Variants in RANBP2 observed in about 807,000 individuals in gnomAD.
RANBP2 encodes the protein RAN binding protein 2, also known as E3 SUMO-protein ligase RanBP2.
RANBP2 carries 57 observed loss-of-function variants against 303.6 expected under a neutral mutation model. That is an observed-to-expected ratio of 0.19 (90% confidence interval 0.15 to 0.23). RANBP2 has a LOEUF of 0.23. RANBP2 is among the 10% of genes least tolerant of loss of function. The probability of loss-of-function intolerance (pLI) is 1.00; values close to 1 mark genes in which losing one functional copy is unlikely to be tolerated. For synonymous variants in RANBP2, 1,167 were observed against 1,301.5 expected, an observed-to-expected ratio of 0.90 and a Z score of 2.23; for missense variants, 3,138 against 3,780.8, an observed-to-expected ratio of 0.83 and a Z score of 4.46.
chr2:109,610,893 C>T, the RANBP2 span, among the ~76,000 whole-genome samples: 39 of 152,258 alleles, frequency 2.6e-4, no homozygotes, highest in African/African-American at 9.1e-4. Flanking sequence ...CAGAGAGGCA[C>T]AGAACTAGAA....
At chr2:109,464,587 G>A in the RANBP2 span, among the ~76,000 whole-genome samples, 39 of 152,222 alleles carry the variant, frequency 2.6e-4, no homozygotes, top group African/African-American at 9.1e-4. Context: ...CCTCACAATC[G>A]ATTTCCTCTT....
At chr2:109,322,368 C>G in the RANBP2 span, among the ~76,000 whole-genome samples, 5 of 152,148 alleles carry the variant, frequency 3.3e-5, no homozygotes, top group African/African-American at 1.2e-4. Flanking sequence ...CCGAAATGTT[C>G]CCACAGGCAG....
At chr2:109,379,666 G>A in the RANBP2 span, among the ~76,000 whole-genome samples, 1 of 152,182 alleles carries the variant, frequency 6.6e-6, no homozygotes, top group African/African-American at 2.4e-5. Flanking sequence ...CTGCCGCAGC[G>A]ACAGCCTGTG....
At chr2:109,545,433 GC>G in the RANBP2 span, 1 of 1,535,908 alleles carries the variant, frequency 6.5e-7, no homozygotes, top group Non-Finnish European at 8.7e-7. Flanking sequence ...ACTCATGGCT[GC>G]CCCCTTGCAC....
chr2:109,199,348 T>C, the RANBP2 span, among the ~76,000 whole-genome samples: 2 of 8 alleles, frequency 0.25, no homozygotes, highest in Non-Finnish European at 0.33. Flanking sequence ...TGGAATGGAA[T>C]GGAATGGAAT....
chr2:109,496,200 G>T, the RANBP2 span, among the ~76,000 whole-genome samples: 2 of 152,222 alleles, frequency 1.3e-5, no homozygotes, highest in African/African-American at 4.8e-5. Flanking sequence ...ACAGAGTGCG[G>T]ATTGGTGCAT....
the RANBP2 span, among the ~76,000 whole-genome samples, chr2:109,136,432 C>G: frequency 6.6e-6 from 1 of 152,106 alleles, no homozygotes; most frequent in African/African-American, 2.4e-5. Context: ...AAGGTATTGG[C>G]AACAGTGAAT....
At chr2:109,277,896 C>T in the RANBP2 span, among the ~76,000 whole-genome samples, 283 of 150,970 alleles carry the variant, frequency 1.9e-3, 1 homozygote, top group Middle Eastern at 0.014. Flanking sequence ...CATTTCAGGC[C>T]GGGTGTGGTG....
At chr2:109,490,767 G>T in the RANBP2 span, 2 of 1,536,496 alleles carry the variant, frequency 1.3e-6, no homozygotes, top group African/African-American at 2.7e-5. Flanking sequence ...GTCCATCCAC[G>T]GCAGGGCAGG....
At chr2:109,383,131 G>A in the RANBP2 span, among the ~76,000 whole-genome samples, 2 of 152,268 alleles carry the variant, frequency 1.3e-5, no homozygotes, top group African/African-American at 2.4e-5. Context: ...GACCTTGTGA[G>A]TGCTTGCAGC....
the RANBP2 span, among the ~76,000 whole-genome samples, chr2:109,323,850 CT>C: frequency 3.9e-5 from 6 of 152,154 alleles, no homozygotes; most frequent in African/African-American, 1.4e-4. Context: ...ATGTTTTTAT[CT>C]TTTTAAAAGT....
the RANBP2 span, among the ~76,000 whole-genome samples, chr2:109,059,410 C>G: frequency 6.2e-4 from 94 of 152,184 alleles, no homozygotes; most frequent in Non-Finnish European, 1.1e-3. Context: ...CCCGTCTCTA[C>G]TAAAAATACA....
the RANBP2 span, among the ~76,000 whole-genome samples, chr2:109,009,983 A>G: frequency 2.6e-5 from 4 of 152,220 alleles, no homozygotes; most frequent in African/African-American, 7.2e-5. Context: ...GTCCTTGGAA[A>G]CATAATTCTA....
At chr2:109,518,203 T>C in the RANBP2 span, among the ~76,000 whole-genome samples, 1 of 152,242 alleles carries the variant, frequency 6.6e-6, no homozygotes, top group African/African-American at 2.4e-5. Context: ...CTATTCAGCA[T>C]GAAGTTGTTT....
At chr2:109,557,573 G>C in the RANBP2 span, among the ~76,000 whole-genome samples, 1 of 152,224 alleles carries the variant, frequency 6.6e-6, no homozygotes, top group Non-Finnish European at 1.5e-5. Context: ...GCAGGAGAAA[G>C]TAATGGACTG....
chr2:109,101,008 G>A, the RANBP2 span, among the ~76,000 whole-genome samples: 3 of 152,104 alleles, frequency 2.0e-5, no homozygotes, highest in African/African-American at 4.8e-5. Context: ...GAGGAGTGGC[G>A]GGGTTCAAGG....
chr2:108,747,027 C>G (rs1398292674), intron 8 of RANBP2, among the ~76,000 whole-genome samples: 1 of 152,156 alleles, frequency 6.6e-6, no homozygotes, highest in Non-Finnish European at 1.5e-5. Flanking sequence ...TTTCTTAACT[C>G]TTTCTTTATC....
Position 108,768,149 on chromosome 2 carries a change from A to G in RANBP2, c.7610A>G (p.Asn2537Ser). The change falls in exon 20 of 29, where the codon AAC becomes AGC. Residue 2537 changes from asparagine to serine, a missense_variant. Coordinates refer to ENST00000283195, the MANE Select transcript of RANBP2 (RefSeq NM_006267.5). ...AAATCAAAACCATTTGCATTCGGCA[A>G]CAGTTCAGCCACTGGGTCTTTGTTT... ...SEKSKPFAFG[N>S]SSATGSLFGF... 3 of 1,612,074 alleles carry G rather than the reference A, an allele frequency of 1.9e-6. No individual in the cohort carries two copies. Among genetic ancestry groups the G allele is most frequent in the East Asian group, 2.2e-5 (1 of 44,892 alleles).
the RANBP2 span, among the ~76,000 whole-genome samples, chr2:109,425,940 C>T: frequency 1.3e-5 from 2 of 152,088 alleles, no homozygotes; most frequent in Admixed American, 1.3e-4. Flanking sequence ...CTCTGTCGTC[C>T]AGGCTGGAGT....
Sources: allele counts gnomAD v4.1 joint callset (sites outside exome capture counted in the v4.1 genomes callset), GRCh38; gene constraint gnomAD v4.1.1; transcripts MANE v1.5; gene names NCBI Gene and HGNC (gene_info 2026-07-23, HGNC 2026-07-21).